The following EYS variants were observed in gnomAD, a reference collection of about 807,000 sequenced individuals.
EYS encodes protein eyes shut homolog.
EYS carries 250 observed loss-of-function variants against 282.1 expected under a neutral mutation model. The ratio of observed to expected loss-of-function variants is 0.89; its 90% CI spans 0.80 to 0.98. The LOEUF is 0.98. EYS is among the 50% of genes least tolerant of loss of function. The pLI, the probability that EYS is intolerant of heterozygous loss-of-function variation, is 0.00. For missense variants in EYS, 4,016 were observed against 3,709.0 expected, an observed-to-expected ratio of 1.08 and a Z score of -2.15; for synonymous variants, 1,355 against 1,282.9, an observed-to-expected ratio of 1.06 and a Z score of -1.20.
At chr6:65,149,492 A>G (rs1306366771) in intron 12 of EYS, among the ~76,000 whole-genome samples, 1 of 152,120 alleles carries the variant, frequency 6.6e-6, no homozygotes, top group Non-Finnish European at 1.5e-5. Flanking sequence ...AGGAAGTTCC[A>G]AACTTTTCCA....
chr6:64,473,501 A>G (rs1776180549), intron 26 of EYS, among the ~76,000 whole-genome samples: 1 of 152,214 alleles, frequency 6.6e-6, no homozygotes. Context: ...ACCTTTCTGG[A>G]TTTTATGATT....
chr6:64,777,521 C>T lies in EYS; in HGVS notation c.3443+35857G>A, dbSNP rs560236165. ...CACCCTCTGACCAAGAAGTAATGAA[C>T]GGGTTTGGGGCTTTTCTTAATGTGT... On this transcript the variant is annotated intron_variant, in intron 22 of 42. Coordinates refer to ENST00000503581, the MANE Select transcript of EYS (RefSeq NM_001142800.2). Among the ~76,000 whole-genome samples the T allele has an allele frequency of 1.1e-4, 17 of 152,150 alleles. No homozygotes were observed. In the East Asian group the frequency reaches 2.9e-3, roughly 26 times the overall value.
chr6:64,502,326 C>T (rs1777077436), intron 26 of EYS, among the ~76,000 whole-genome samples: 2 of 152,158 alleles, frequency 1.3e-5, no homozygotes, highest in Middle Eastern at 3.4e-3. Context: ...CTGCAAGCTC[C>T]GCCTCCGGGG....
chr6:64,344,648 A>T (rs1330391747), intron 29 of EYS, among the ~76,000 whole-genome samples: 4 of 152,164 alleles, frequency 2.6e-5, no homozygotes, highest in Non-Finnish European at 4.4e-5. Flanking sequence ...CAAGACGGGG[A>T]TGCCCTCTCT....
intron 31 of EYS, among the ~76,000 whole-genome samples, chr6:64,203,410 A>G (rs1265845202): frequency 6.6e-6 from 1 of 152,178 alleles, no homozygotes; most frequent in Non-Finnish European, 1.5e-5. Context: ...AGCCAGAGTG[A>G]GGACATATAG....
intron 8 of EYS, among the ~76,000 whole-genome samples, chr6:65,376,047 G>A (rs1439261143): frequency 6.6e-6 from 1 of 152,064 alleles, no homozygotes; most frequent in Non-Finnish European, 1.5e-5. Context: ...TACTCCTTGA[G>A]AATAGCAACC....
rs562401419 is a variant in EYS at position 64,786,674 on chromosome 6, C to A, written c.3443+26704G>T. 6.6e-5 allele frequency among the ~76,000 whole-genome samples: 10 copies of A among 152,270 alleles called. No homozygotes were observed. The South Asian group carries it at 1.9e-3, about 28-fold the overall frequency. ...GATGTTGATTCTCAGTCCAGGTTTA[C>A]CTCTCAGAGCATCTGGTCCAGGTGT... On this transcript the variant is annotated intron_variant, in intron 22 of 42. Transcript: ENST00000503581.
intron 12 of EYS, among the ~76,000 whole-genome samples, chr6:65,249,231 C>A (rs1424540067): frequency 6.6e-6 from 1 of 151,840 alleles, no homozygotes; most frequent in East Asian, 1.9e-4. Flanking sequence ...AACACCAACC[C>A]CCAAAAGCTC....
chr6:64,802,884 G>T (rs760697507), intron 22 of EYS, among the ~76,000 whole-genome samples: 17 of 152,136 alleles, frequency 1.1e-4, no homozygotes, highest in Non-Finnish European at 2.2e-4. Context: ...ACAATTATTT[G>T]GCTAAACTGA....
At chr6:64,747,648 G>C (rs1444722661) in intron 22 of EYS, among the ~76,000 whole-genome samples, 1 of 152,198 alleles carries the variant, frequency 6.6e-6, no homozygotes, top group Admixed American at 6.5e-5. Context: ...AAAGTGCTGT[G>C]ATTATAGGCG....
chr6:65,469,126 G>A (rs1445908604), intron 5 of EYS, among the ~76,000 whole-genome samples: 2 of 151,874 alleles, frequency 1.3e-5, no homozygotes, highest in African/African-American at 4.8e-5. Context: ...TTCAAGATAT[G>A]AGATATAATA....
At chr6:65,461,595 A>G (rs978457525) in intron 5 of EYS, among the ~76,000 whole-genome samples, 4 of 152,036 alleles carry the variant, frequency 2.6e-5, no homozygotes, top group African/African-American at 9.7e-5. Context: ...AAACCTACAC[A>G]ATTAAATGTT....
At chr6:65,537,551 G>GAA (rs1296973556) in intron 2 of EYS, among the ~76,000 whole-genome samples, 1 of 49,486 alleles carries the variant, frequency 2.0e-5, no homozygotes, top group Admixed American at 2.7e-4. Flanking sequence ...TATACAGAGA[G>GAA]AGAAAGAGAG....
intron 13 of EYS, among the ~76,000 whole-genome samples, chr6:65,034,888 T>A (rs1002112188): frequency 4.6e-5 from 7 of 151,998 alleles, no homozygotes; most frequent in Non-Finnish European, 8.8e-5. Context: ...CCTTTACCGA[T>A]ACCTCACAAA....
chr6:65,354,684 G>T (rs1195601422), intron 8 of EYS, among the ~76,000 whole-genome samples: 1 of 152,046 alleles, frequency 6.6e-6, no homozygotes, highest in East Asian at 1.9e-4. Flanking sequence ...AGGTGCAGTG[G>T]CGTGCGCCTG....
At chr6:64,159,642 A>G (rs1268711548) in intron 31 of EYS, among the ~76,000 whole-genome samples, 1 of 151,746 alleles carries the variant, frequency 6.6e-6, no homozygotes, top group African/African-American at 2.4e-5. Flanking sequence ...GAATATTTTC[A>G]ATTCTTGTTG....
intron 22 of EYS, among the ~76,000 whole-genome samples, chr6:64,771,350 C>G (rs1448156674): frequency 1.3e-5 from 2 of 151,558 alleles, no homozygotes; most frequent in Non-Finnish European, 3.0e-5. Context: ...AAAATCTACA[C>G]TTTTGTCATT....
chr6:64,723,087 GAA>G (rs35150180), intron 22 of EYS, among the ~76,000 whole-genome samples: 2 of 146,716 alleles, frequency 1.4e-5, no homozygotes, highest in African/African-American at 2.5e-5. Context: ...AGGCCCTAAG[GAA>G]AAAAAAAAAA....
chr6:64,011,219 T>A (rs1281936878), intron 33 of EYS, among the ~76,000 whole-genome samples: 2 of 152,204 alleles, frequency 1.3e-5, no homozygotes, highest in African/African-American at 4.8e-5. Context: ...GTTTTCAGTT[T>A]TCTTCCTTTA....
Sources: allele counts gnomAD v4.1 joint callset (sites outside exome capture counted in the v4.1 genomes callset), GRCh38; gene constraint gnomAD v4.1.1; transcripts MANE v1.5; gene names NCBI Gene and HGNC (gene_info 2026-07-23, HGNC 2026-07-21).